RALYL: variants seen among roughly 807,000 people sequenced by gnomAD.
RALYL encodes RNA-binding Raly-like protein.
In RALYL, 29 loss-of-function variants were observed where a neutral mutation model predicts 35.1. The observed-to-expected ratio is 0.83, with a 90% CI of 0.61 to 1.13. RALYL has a LOEUF of 1.13. Ranked by LOEUF, RALYL falls within the 50% of genes most tolerant of loss-of-function variation. The pLI is 0.00. For missense variants in RALYL, 359 were observed against 360.4 expected (o/e 1.00, Z 0.03); for synonymous variants, 120 against 127.6 (o/e 0.94, Z 0.40).
chr8:84,321,134 G>A (rs1288719252), intron 1 of RALYL, among the ~76,000 whole-genome samples: 3 of 152,108 alleles, frequency 2.0e-5, no homozygotes, highest in South Asian at 2.1e-4. Flanking sequence ...TAGAAGAAAA[G>A]CAGTTTAAAA....
chr8:84,388,761 G>T (rs952798801), intron 1 of RALYL, among the ~76,000 whole-genome samples: 1 of 152,002 alleles, frequency 6.6e-6, no homozygotes, highest in Non-Finnish European at 1.5e-5. Flanking sequence ...CAGATGAGTA[G>T]GTTGTGAAGA....
intron 2 of RALYL, among the ~76,000 whole-genome samples, chr8:84,633,128 T>A (rs148038738): frequency 3.5e-5 from 5 of 144,624 alleles, no homozygotes; most frequent in Non-Finnish European, 6.1e-5. Context: ...GTTTTTTTTT[T>A]AATATTGCAT....
At chr8:84,256,896 G>A (rs767504148) in intron 1 of RALYL, among the ~76,000 whole-genome samples, 2 of 151,844 alleles carry the variant, frequency 1.3e-5, no homozygotes, top group South Asian at 4.1e-4. Flanking sequence ...CTTTACCCAC[G>A]TTCTTCTGTG....
chr8:84,369,289 G>A (rs911222339), intron 1 of RALYL, among the ~76,000 whole-genome samples: 1 of 151,398 alleles, frequency 6.6e-6, no homozygotes, highest in Non-Finnish European at 1.5e-5. Flanking sequence ...AACAATTACA[G>A]TGGAAAAAAC....
intron 2 of RALYL, among the ~76,000 whole-genome samples, chr8:84,748,325 G>A (rs1200165243): frequency 1.3e-5 from 2 of 151,982 alleles, no homozygotes; most frequent in Admixed American, 1.3e-4. Flanking sequence ...AGTTGACATG[G>A]TATGAGCTTG....
intron 2 of RALYL, among the ~76,000 whole-genome samples, chr8:84,722,260 TTTATA>T: frequency 6.6e-6 from 1 of 152,210 alleles, no homozygotes; most frequent in Non-Finnish European, 1.5e-5. Context: ...GAATGTTCAT[TTTATA>T]TTCTGGACTT....
At chr8:84,549,325 C>T (rs949904112) in intron 2 of RALYL, among the ~76,000 whole-genome samples, 5 of 152,124 alleles carry the variant, frequency 3.3e-5, no homozygotes, top group African/African-American at 1.2e-4. Flanking sequence ...CAGAGGAAAA[C>T]AATGCCACCC....
intron 1 of RALYL, among the ~76,000 whole-genome samples, chr8:84,411,389 T>C (rs2044086311): frequency 6.6e-6 from 1 of 151,920 alleles, no homozygotes; most frequent in Admixed American, 6.6e-5. Flanking sequence ...TCAGTGACTT[T>C]TCTAAAATTT....
At chr8:84,730,079 C>A (rs916919584) in intron 2 of RALYL, among the ~76,000 whole-genome samples, 4 of 151,884 alleles carry the variant, frequency 2.6e-5, no homozygotes, top group Non-Finnish European at 5.9e-5. Flanking sequence ...GAGACACAAC[C>A]AAAAAAGAGA....
intron 1 of RALYL, among the ~76,000 whole-genome samples, chr8:84,286,704 C>T (rs569027498): frequency 1.3e-5 from 2 of 152,260 alleles, no homozygotes; most frequent in South Asian, 4.1e-4. Flanking sequence ...CCAGAGCCCA[C>T]AGGTCATAAG....
chr8:84,376,920 C>A (rs1329809508), intron 1 of RALYL, among the ~76,000 whole-genome samples: 6 of 151,792 alleles, frequency 4.0e-5, no homozygotes, highest in Non-Finnish European at 5.9e-5. Flanking sequence ...CTATATACAA[C>A]TCTGGGTCTC....
At chr8:84,768,439 G>A (rs1472913363) in intron 2 of RALYL, among the ~76,000 whole-genome samples, 1 of 152,100 alleles carries the variant, frequency 6.6e-6, no homozygotes, top group African/African-American at 2.4e-5. Flanking sequence ...CTCCTCCATG[G>A]AATCCTTTCT....
At chr8:84,223,357 C>T (rs1183844645) in intron 1 of RALYL, among the ~76,000 whole-genome samples, 2 of 152,026 alleles carry the variant, frequency 1.3e-5, no homozygotes, top group African/African-American at 4.8e-5. Flanking sequence ...TCCACCTCAT[C>T]TGACTAGTTC....
intron 1 of RALYL, among the ~76,000 whole-genome samples, chr8:84,196,663 C>A (rs1405647513): frequency 1.3e-5 from 2 of 152,270 alleles, no homozygotes; most frequent in East Asian, 1.9e-4. Flanking sequence ...ATAGAGTGTT[C>A]ATAGAGGCTT....
intron 1 of RALYL, among the ~76,000 whole-genome samples, chr8:84,518,468 C>G (rs1260840479): frequency 6.6e-6 from 1 of 152,098 alleles, no homozygotes; most frequent in East Asian, 1.9e-4. Flanking sequence ...TTGCTAGATG[C>G]TATCATTTAT....
chr8:84,722,757 TC>T (rs1273577961), intron 2 of RALYL, among the ~76,000 whole-genome samples: 1 of 149,416 alleles, frequency 6.7e-6, no homozygotes, highest in Non-Finnish European at 1.5e-5. Flanking sequence ...AGCAATATAC[TC>T]ACTTTACATA....
chr8:84,210,329 A>T (rs1819174037), intron 1 of RALYL, among the ~76,000 whole-genome samples: 1 of 152,064 alleles, frequency 6.6e-6, no homozygotes, highest in African/African-American at 2.4e-5. Context: ...CCTGTATTTA[A>T]TATTTTAATA....
intron 3 of RALYL, among the ~76,000 whole-genome samples, chr8:84,789,075 A>G (rs746231916): frequency 6.6e-6 from 1 of 152,216 alleles, no homozygotes; most frequent in Non-Finnish European, 1.5e-5. Flanking sequence ...AATAAAGTCC[A>G]GGTTGTAGCC....
chr8:84,222,205 T>A (rs985404026), intron 1 of RALYL, among the ~76,000 whole-genome samples: 4 of 152,066 alleles, frequency 2.6e-5, no homozygotes, highest in Non-Finnish European at 5.9e-5. Flanking sequence ...GAAAATAAAT[T>A]AAAAATTGAT....
Sources: allele counts gnomAD v4.1 joint callset (sites outside exome capture counted in the v4.1 genomes callset), GRCh38; gene constraint gnomAD v4.1.1; transcripts MANE v1.5; gene names NCBI Gene and HGNC (gene_info 2026-07-23, HGNC 2026-07-21).